RPAP3: variants seen among roughly 807,000 people sequenced by gnomAD.
The protein encoded by RPAP3 is RNA polymerase II-associated protein 3.
In RPAP3, 58 loss-of-function variants were observed where a neutral mutation model predicts 88.8. That is an observed-to-expected ratio of 0.65 (90% CI 0.53 to 0.81). The LOEUF (loss-of-function observed/expected upper bound fraction) is 0.81, where lower values mean the gene tolerates loss of function less well. Ranked by LOEUF, RPAP3 falls within the 40% of genes least tolerant of loss-of-function variation. The probability of loss-of-function intolerance (pLI) is 0.00; values close to 1 mark genes in which losing one functional copy is unlikely to be tolerated. For missense variants in RPAP3, 751 were observed against 764.3 expected (o/e 0.98, Z 0.20); for synonymous variants, 255 against 259.9 (o/e 0.98, Z 0.18).
At chr12:47,680,339 TA>T (rs1197306417) in intron 10 of RPAP3, among the ~76,000 whole-genome samples, 1 of 152,120 alleles carries the variant, frequency 6.6e-6, no homozygotes, top group African/African-American at 2.4e-5. Flanking sequence ...TATAGAGTTT[TA>T]GAATGGGATG....
intron 2 of RPAP3, 61 bp downstream of exon 2, chr12:47,702,627 G>C (rs1320684900): frequency 6.1e-6 from 8 of 1,312,206 alleles, no homozygotes; most frequent in Non-Finnish European, 8.3e-6. Context: ...ATTTTTAAAA[G>C]TTATGCTTTA....
At chr12:47,689,091 C>A in intron 7 of RPAP3, 34 bp downstream of exon 7, 2 of 922,322 alleles carry the variant, frequency 2.2e-6, no homozygotes, top group South Asian at 2.9e-5. Flanking sequence ...AAATAAAGGT[C>A]ATAATACACT....
chr12:47,671,369 T>C (rs961283905), intron 12 of RPAP3, among the ~76,000 whole-genome samples: 1 of 152,192 alleles, frequency 6.6e-6, no homozygotes, highest in African/African-American at 2.4e-5. Context: ...AAGAAAACTT[T>C]CCTCAATGTA....
chr12:47,695,160 G>C (rs931829136), intron 5 of RPAP3, among the ~76,000 whole-genome samples: 1 of 151,772 alleles, frequency 6.6e-6, no homozygotes, highest in Non-Finnish European at 1.5e-5. Context: ...AAGGAAGAAA[G>C]GAACGAACCA....
At chr12:47,703,539 G>A (rs1290296374) in intron 1 of RPAP3, among the ~76,000 whole-genome samples, 1 of 152,128 alleles carries the variant, frequency 6.6e-6, no homozygotes, top group African/African-American at 2.4e-5. Context: ...TGCGTCAGAG[G>A]TACATACAGA....
At position 47,697,618 on chromosome 12, in the gene RPAP3, C is replaced by G. The variant is rs772923540; in HGVS notation, c.396G>C (p.Lys132Asn). ...GTACCTTTTCTTTTAAAACAAGAGC[C>G]TTTTGTGAATCTACATGAATCCCAT... The part of the protein sequence containing the change: ...EEDGIHVDSQ[K>N]ALVLKEKGNK... Residue 132 changes from lysine to asparagine, a missense_variant, in exon 4 of 17, where the codon AAG (lysine) becomes AAC (asparagine). Transcript: ENST00000005386. The G allele has an allele frequency of 5.6e-6, 9 of 1,608,564 alleles. No individual in the cohort carries two copies. The highest frequency in any genetic ancestry group is 7.6e-6 in the Non-Finnish European group (9 of 1,178,278).
At chr12:47,663,830 C>T (rs1224684410) in intron 16 of RPAP3, among the ~76,000 whole-genome samples, 14 of 152,186 alleles carry the variant, frequency 9.2e-5, no homozygotes, top group Admixed American at 9.2e-4. Context: ...GCCCTGCATT[C>T]TCAATGATAT....
At chr12:47,694,226 G>C (rs1426519603) in intron 5 of RPAP3, among the ~76,000 whole-genome samples, 1 of 152,124 alleles carries the variant, frequency 6.6e-6, no homozygotes. Context: ...ATGGATGTAA[G>C]GACAGGCAAC....
intron 4 of RPAP3, among the ~76,000 whole-genome samples, chr12:47,697,162 A>C (rs1404365517): frequency 6.6e-6 from 1 of 152,272 alleles, no homozygotes; most frequent in East Asian, 1.9e-4. Flanking sequence ...CATTCCAAAA[A>C]GTAACCAAAG....
intron 9 of RPAP3, 56 bp downstream of exon 9, chr12:47,686,724 A>G: frequency 7.5e-7 from 1 of 1,329,280 alleles, no homozygotes; most frequent in Non-Finnish European, 9.9e-7. Flanking sequence ...GTAAAAATTT[A>G]CCAATTTATT....
chr12:47,683,972 A>G (rs140714106), intron 9 of RPAP3, among the ~76,000 whole-genome samples: 177 of 152,224 alleles, frequency 1.2e-3, no homozygotes, highest in African/African-American at 4.1e-3. Flanking sequence ...CCCAAATCTA[A>G]TATCTAATAC....
chr12:47,681,748 G>A lies in RPAP3; in HGVS notation c.1062C>T (p.Ala354=). The A allele has an allele frequency of 6.2e-7, 1 of 1,611,974 alleles. No homozygotes were observed. Among genetic ancestry groups the A allele is most frequent in the Non-Finnish European group, 8.5e-7 (1 of 1,179,152 alleles). The stretch of plus-strand genomic sequence containing the variant: ...AAAATGTTCTTGCAGTTCCTCTTCT[G>A]GCAAAAGCTTTAGAATATGAGCCAT... ...LLDGSYSKAF[A]RRGTARTFLG... is the part of the protein sequence containing the mutation. The change falls in exon 10 of 17, where the codon GCC becomes GCT. Residue 354 remains alanine (A), a synonymous_variant. Coordinates refer to ENST00000005386, the MANE Select transcript of RPAP3 (RefSeq NM_024604.3).
intron 14 of RPAP3, among the ~76,000 whole-genome samples, chr12:47,668,446 G>A (rs969066894): frequency 1.3e-5 from 2 of 152,062 alleles, no homozygotes; most frequent in Non-Finnish European, 2.9e-5. Flanking sequence ...ATGAGAAAAC[G>A]TATTTGGAAG....
intron 8 of RPAP3, among the ~76,000 whole-genome samples, chr12:47,687,114 A>G (rs998187698): frequency 6.6e-6 from 1 of 152,160 alleles, no homozygotes; most frequent in Non-Finnish European, 1.5e-5. Context: ...TTCAGTACTA[A>G]AAAGGAAAAA....
chr12:47,702,491 T>A (rs1204525743), intron 2 of RPAP3, among the ~76,000 whole-genome samples, 197 bp downstream of exon 2: 3 of 151,984 alleles, frequency 2.0e-5, no homozygotes, highest in African/African-American at 4.8e-5. Context: ...GAGGCGGAGG[T>A]TGCAGTGAGC....
rs1165336055 is a variant in RPAP3 at position 47,669,018 on chromosome 12, A to G, written c.1611T>C (p.Phe537=). Residue 537 remains phenylalanine (F), a synonymous_variant, in exon 14 of 17, where the codon TTT becomes TTC. Coordinates refer to ENST00000005386, the MANE Select transcript of RPAP3 (RefSeq NM_024604.3). ...GAATTGGAGGAAGAACAGTTGTGGCAAACTGAGCAGGTTTTTGTTCTATCT... is the reference window on the plus strand; with the variant it reads ...GAATTGGAGGAAGAACAGTTGTGGCGAACTGAGCAGGTTTTTGTTCTATCT... ...PIEIEQKPAQ[F]ATTVLPPIPA... is the part of the protein sequence containing the mutation. 4 of 1,613,850 alleles carry G rather than the reference A, an allele frequency of 2.5e-6. No homozygotes were observed. Among genetic ancestry groups the G allele is most frequent in the Non-Finnish European group, 3.4e-6 (4 of 1,179,862 alleles).
chr12:47,674,497 T>C (rs1434888446), intron 12 of RPAP3, among the ~76,000 whole-genome samples: 2 of 151,952 alleles, frequency 1.3e-5, no homozygotes, highest in African/African-American at 2.4e-5. Flanking sequence ...ACTAAAAACC[T>C]TGAAAAAAGA....
chr12:47,687,875 C>T lies in RPAP3; in HGVS notation c.864+1G>A. 6.2e-7 allele frequency: 1 copy of T among 1,612,610 alleles called. No homozygotes were observed. The highest frequency in any genetic ancestry group is 8.5e-7 in the Non-Finnish European group (1 of 1,179,270). ...TGTACGTTGGAATAGCTTTGGATTA[C>T]CCGATCTTTCTCTGAAATGGCCTGC... is the stretch of plus-strand genomic sequence containing the variant. On this transcript the variant is annotated splice_donor_variant, in intron 8 of 16. Transcript: ENST00000005386. LOFTEE classifies it high-confidence loss of function.
In RPAP3 at chr12:47,681,769, G is replaced by A. The variant is rs1466106594; in HGVS notation, c.1041C>T (p.Gly347=). The A allele has an allele frequency of 6.2e-7, 1 of 1,610,976 alleles. No homozygotes were observed. Among genetic ancestry groups the A allele is most frequent in the Non-Finnish European group, 8.5e-7 (1 of 1,178,622 alleles). ...TTCTGGCAAAAGCTTTAGAATATGAGCCATCTAATAAAATGGCTTGTGTGC... is the reference window on the plus strand; with the variant it reads ...TTCTGGCAAAAGCTTTAGAATATGAACCATCTAATAAAATGGCTTGTGTGC... ...KDCTQAILLD[G]SYSKAFARRG... Residue 347 remains glycine, a synonymous_variant, in exon 10 of 17, where the codon GGC becomes GGT. Transcript: ENST00000005386.
Sources: gnomAD v4.1 joint callset for allele counts (sites outside exome capture counted in the v4.1 genomes callset) on GRCh38, gnomAD v4.1.1 for gene constraint, MANE v1.5 for transcripts, NCBI Gene and HGNC (gene_info 2026-07-23, HGNC 2026-07-21) for gene names.